KCNH8: variants seen among roughly 807,000 people sequenced by gnomAD.
KCNH8 encodes potassium voltage-gated channel subfamily H member 8.
In KCNH8, 70 loss-of-function variants were observed where a neutral mutation model predicts 103.6. The ratio of observed to expected loss-of-function variants is 0.68; its 90% confidence interval spans 0.56 to 0.82. The LOEUF is 0.82. Ranked by LOEUF, KCNH8 falls within the 40% of genes least tolerant of loss-of-function variation. The probability of loss-of-function intolerance (pLI) is 0.00; values close to 1 mark genes in which losing one functional copy is unlikely to be tolerated. For synonymous variants in KCNH8, 498 were observed against 489.4 expected, an observed-to-expected ratio of 1.02 and a Z score of -0.23; for missense variants, 1,217 against 1,329.9, an observed-to-expected ratio of 0.92 and a Z score of 1.32.
chr3:19,530,076 C>T (rs1264493543), intron 15 of KCNH8, among the ~76,000 whole-genome samples: 1 of 152,076 alleles, frequency 6.6e-6, no homozygotes, highest in Non-Finnish European at 1.5e-5. Context: ...AAATATTCCA[C>T]GTCCTCACTC....
intron 11 of KCNH8, among the ~76,000 whole-genome samples, chr3:19,495,743 T>C (rs1413059429): frequency 6.6e-6 from 1 of 152,036 alleles, no homozygotes; most frequent in Admixed American, 6.6e-5. Context: ...GCATGAAGAA[T>C]GTCACTGGCA....
intron 15 of KCNH8, among the ~76,000 whole-genome samples, chr3:19,524,652 G>A (rs948185896): frequency 5.9e-5 from 9 of 151,988 alleles, no homozygotes; most frequent in South Asian, 2.1e-4. Context: ...TAAAATGCAT[G>A]TAACTTTTGG....
At chr3:19,467,236 T>C (rs1311141525) in intron 11 of KCNH8, among the ~76,000 whole-genome samples, 2 of 151,080 alleles carry the variant, frequency 1.3e-5, no homozygotes, top group Non-Finnish European at 3.0e-5. Flanking sequence ...AAAATATACA[T>C]GTTAAAATAT....
intron 11 of KCNH8, among the ~76,000 whole-genome samples, chr3:19,505,029 GTA>G (rs892923993): frequency 6.7e-6 from 1 of 149,338 alleles, no homozygotes; most frequent in African/African-American, 2.5e-5. Context: ...ATATGTATGT[GTA>G]TATATATACA....
chr3:19,412,920 T>C (rs1464086729), intron 7 of KCNH8, among the ~76,000 whole-genome samples: 1 of 152,052 alleles, frequency 6.6e-6, no homozygotes, highest in Non-Finnish European at 1.5e-5. Context: ...TTGGTGGCAA[T>C]GTAAACTAGC....
intron 1 of KCNH8, among the ~76,000 whole-genome samples, chr3:19,209,004 A>G (rs909387057): frequency 2.0e-5 from 3 of 151,988 alleles, no homozygotes; most frequent in Non-Finnish European, 2.9e-5. Flanking sequence ...ATATCTATCT[A>G]TATTTATGTC....
chr3:19,509,275 CA>C (rs936028702), intron 11 of KCNH8, among the ~76,000 whole-genome samples: 5 of 152,072 alleles, frequency 3.3e-5, no homozygotes, highest in African/African-American at 1.2e-4. Flanking sequence ...ATAAATATAA[CA>C]GATCTATTTC....
chr3:19,498,948 C>G (rs1489676532), intron 11 of KCNH8, among the ~76,000 whole-genome samples: 1 of 152,120 alleles, frequency 6.6e-6, no homozygotes, highest in Non-Finnish European at 1.5e-5. Flanking sequence ...TCTCAGATCT[C>G]CAGCTGCGTG....
chr3:19,447,657 A>C (rs2067382515), intron 8 of KCNH8, among the ~76,000 whole-genome samples: 1 of 151,962 alleles, frequency 6.6e-6, no homozygotes, highest in Admixed American at 6.6e-5. Flanking sequence ...TCGATGTTTA[A>C]TTTCTTTGAC....
At chr3:19,491,750 A>C (rs957134463) in intron 11 of KCNH8, among the ~76,000 whole-genome samples, 1 of 152,160 alleles carries the variant, frequency 6.6e-6, no homozygotes, top group Non-Finnish European at 1.5e-5. Context: ...GTTTTTTGCG[A>C]AATCTCCAAA....
chr3:19,411,829 A>C (rs1435257192), intron 7 of KCNH8, among the ~76,000 whole-genome samples: 1 of 151,766 alleles, frequency 6.6e-6, no homozygotes, highest in Admixed American at 6.6e-5. Context: ...AGGAGATGAA[A>C]GATATCTGCA....
At chr3:19,500,237 T>C (rs1334837216) in intron 11 of KCNH8, among the ~76,000 whole-genome samples, 1 of 152,034 alleles carries the variant, frequency 6.6e-6, no homozygotes, top group East Asian at 1.9e-4. Context: ...AAGAGCTAAC[T>C]ATCCTAAATA....
intron 8 of KCNH8, chr3:19,448,979 GAAACCATTTCGGTTTCAT>G: frequency 7.8e-7 from 1 of 1,286,020 alleles, no homozygotes; most frequent in Non-Finnish European, 1.0e-6. Context: ...TGCTGGTTTA[GAAACCATTTCGGTTTCAT>G]TCTGCTAATG....
intron 3 of KCNH8, among the ~76,000 whole-genome samples, chr3:19,315,417 C>G (rs889384809): frequency 6.6e-6 from 1 of 151,918 alleles, no homozygotes; most frequent in African/African-American, 2.4e-5. Context: ...CAGCTTTTGC[C>G]TTATCCAAGA....
chr3:19,433,667 C>T (rs1285138842), intron 7 of KCNH8, among the ~76,000 whole-genome samples: 2 of 152,168 alleles, frequency 1.3e-5, no homozygotes, highest in African/African-American at 4.8e-5. Context: ...AGGTGTTTAT[C>T]TCAAAAGTAG....
chr3:19,421,752 A>C (rs1002698267), intron 7 of KCNH8, among the ~76,000 whole-genome samples: 3 of 152,030 alleles, frequency 2.0e-5, no homozygotes, highest in Middle Eastern at 3.2e-3. Flanking sequence ...TCAGTTACAA[A>C]TTTTAATCTG....
chr3:19,458,784 T>C (rs1207997138), intron 11 of KCNH8, among the ~76,000 whole-genome samples: 1 of 152,002 alleles, frequency 6.6e-6, no homozygotes, highest in Non-Finnish European at 1.5e-5. Context: ...GTAACCATCA[T>C]TGTACTCTCT....
intron 1 of KCNH8, among the ~76,000 whole-genome samples, chr3:19,251,949 G>C (rs1482178632): frequency 1.3e-5 from 2 of 151,898 alleles, no homozygotes; most frequent in Admixed American, 6.6e-5. Context: ...ACTGAATCTT[G>C]CTTTTTAACA....
chr3:19,479,180 G>A (rs538862921), intron 11 of KCNH8, among the ~76,000 whole-genome samples: 84 of 152,116 alleles, frequency 5.5e-4, no homozygotes, highest in African/African-American at 1.9e-3. Context: ...GAGTTTGCGG[G>A]GTGCCTCCTA....
Sources: gnomAD v4.1 joint callset for allele counts (sites outside exome capture counted in the v4.1 genomes callset) on GRCh38, gnomAD v4.1.1 for gene constraint, MANE v1.5 for transcripts, NCBI Gene and HGNC (gene_info 2026-07-23, HGNC 2026-07-21) for gene names.